The following PCCA variants were observed in gnomAD, a reference collection of about 807,000 sequenced individuals.
The protein encoded by PCCA is propionyl-CoA carboxylase subunit alpha.
A neutral mutation model predicts 101.3 loss-of-function variants in PCCA; 74 were observed. The observed-to-expected ratio is 0.73, with a 90% CI of 0.61 to 0.89. PCCA has a LOEUF of 0.89. PCCA is among the 40% of genes least tolerant of loss of function. PCCA has a pLI of 0.00. For synonymous variants in PCCA, 294 were observed against 313.6 expected, an observed-to-expected ratio of 0.94 and a Z score of 0.66; for missense variants, 891 against 907.0, an observed-to-expected ratio of 0.98 and a Z score of 0.23.
intron 4 of PCCA, among the ~76,000 whole-genome samples, chr13:100,146,801 A>G (rs1566575210): frequency 1.3e-5 from 2 of 151,036 alleles, no homozygotes; most frequent in Non-Finnish European, 2.9e-5. Flanking sequence ...TTAAATGTGT[A>G]GTTTGTGGTA....
intron 4 of PCCA, among the ~76,000 whole-genome samples, chr13:100,121,213 G>A (rs375219869): frequency 1.1e-4 from 15 of 136,302 alleles, no homozygotes; most frequent in East Asian, 4.2e-4. Context: ...CTGGAGTGTC[G>A]TGGCATGATC....
chr13:100,152,774 G>A (rs918736149), intron 4 of PCCA, among the ~76,000 whole-genome samples: 1 of 152,100 alleles, frequency 6.6e-6, no homozygotes, highest in Non-Finnish European at 1.5e-5. Context: ...TAAAACGTTT[G>A]TGATAACATA....
At chr13:100,281,227 T>C (rs1052964357) in intron 12 of PCCA, among the ~76,000 whole-genome samples, 1 of 152,204 alleles carries the variant, frequency 6.6e-6, no homozygotes, top group Non-Finnish European at 1.5e-5. Context: ...AAAAGAGTCA[T>C]GTGCTGAGGT....
At chr13:100,515,890 A>C (rs904194602) in intron 22 of PCCA, among the ~76,000 whole-genome samples, 1 of 152,226 alleles carries the variant, frequency 6.6e-6, no homozygotes, top group African/African-American at 2.4e-5. Context: ...TGCTGTGCTC[A>C]AAGCATCCAT....
At position 100,329,049 on chromosome 13, in the gene PCCA, G is replaced by A. The variant is rs186305374; in HGVS notation, c.1430-1512G>A. Among the ~76,000 whole-genome samples, 430 of 132,416 alleles carry A rather than the reference G, an allele frequency of 3.2e-3. 1 individual carries two copies. The highest frequency in any genetic ancestry group is 0.012 in the African/African-American group (411 of 35,442). 86.9% of individuals were successfully genotyped at this position (132,416 alleles called of 152,430 possible). On this transcript the variant is annotated intron_variant, in intron 16 of 23. Transcript: ENST00000376285. ...GCTGTTTGTTCTAGTACCATTTATT[G>A]AAACGACATTTATTAGGTTGGTGTA... is the stretch of plus-strand genomic sequence containing the variant.
In PCCA at chr13:100,304,565, G is replaced by T. The variant is rs934930774; in HGVS notation, c.1284+1567G>T. On this transcript the variant is annotated intron_variant, in intron 14 of 23. Coordinates refer to ENST00000376285, the MANE Select transcript of PCCA (RefSeq NM_000282.4). ...CATGGCGGGCTGGGAGTTGTGCTTA[G>T]GGGGAGAGGTGAATTGAGAATGAAG... is the stretch of plus-strand genomic sequence containing the variant. Among the ~76,000 whole-genome samples, 3 of 152,178 alleles carry T rather than the reference G, an allele frequency of 2.0e-5. No homozygotes were observed. In the South Asian group the frequency reaches 6.2e-4, roughly 32 times the overall value.
chr13:100,340,646 G>C (rs958917833), intron 18 of PCCA, among the ~76,000 whole-genome samples: 1 of 152,172 alleles, frequency 6.6e-6, no homozygotes, highest in East Asian at 1.9e-4. Context: ...TCAGAAACTA[G>C]TGAACACACA....
At chr13:100,098,612 G>C (rs911412183) in intron 1 of PCCA, among the ~76,000 whole-genome samples, 1 of 152,216 alleles carries the variant, frequency 6.6e-6, no homozygotes, top group African/African-American at 2.4e-5. Context: ...ACAGCAGTTA[G>C]AGAGGATCTG....
chr13:100,114,726 A>G (rs1393518662), intron 4 of PCCA, among the ~76,000 whole-genome samples: 1 of 152,256 alleles, frequency 6.6e-6, no homozygotes, highest in Non-Finnish European at 1.5e-5. Context: ...CAAAAGTACA[A>G]TGAGATAAAA....
intron 7 of PCCA, among the ~76,000 whole-genome samples, chr13:100,225,383 T>C (rs1241599984): frequency 6.6e-6 from 1 of 152,220 alleles, no homozygotes; most frequent in Non-Finnish European, 1.5e-5. Context: ...TAAGAGGAAA[T>C]AGTAATACCC....
intron 18 of PCCA, among the ~76,000 whole-genome samples, chr13:100,343,846 G>A (rs139156614): frequency 1.6e-4 from 25 of 152,274 alleles, no homozygotes; most frequent in African/African-American, 6.0e-4. Flanking sequence ...AGGCCAAGGC[G>A]GACTGATCAC....
At chr13:100,510,296 C>A (rs987535681) in intron 21 of PCCA, among the ~76,000 whole-genome samples, 1 of 152,192 alleles carries the variant, frequency 6.6e-6, no homozygotes, top group Non-Finnish European at 1.5e-5. Flanking sequence ...ACATTTCTAT[C>A]TCTGCATCAA....
chr13:100,254,397 C>T (rs1344000400), intron 8 of PCCA, among the ~76,000 whole-genome samples: 2 of 152,174 alleles, frequency 1.3e-5, no homozygotes, highest in Admixed American at 1.3e-4. Context: ...GAAGTAAGTG[C>T]TCCAGTGGAT....
intron 12 of PCCA, among the ~76,000 whole-genome samples, chr13:100,293,418 C>T (rs2065284558): frequency 6.6e-6 from 1 of 151,994 alleles, no homozygotes. Flanking sequence ...ATTATTGCAA[C>T]CTAAATTCTG....
At chr13:100,518,832 A>T (rs2087021996) in intron 22 of PCCA, among the ~76,000 whole-genome samples, 1 of 152,232 alleles carries the variant, frequency 6.6e-6, no homozygotes, top group Non-Finnish European at 1.5e-5. Context: ...AACTGGGAGC[A>T]CTTCTGTAAT....
At chr13:100,272,281 C>T (rs1386773069) in intron 11 of PCCA, among the ~76,000 whole-genome samples, 1 of 152,124 alleles carries the variant, frequency 6.6e-6, no homozygotes, top group Non-Finnish European at 1.5e-5. Context: ...ATAATTTCCC[C>T]TAGGGGAAAT....
intron 19 of PCCA, among the ~76,000 whole-genome samples, chr13:100,393,760 A>G (rs2076925273): frequency 6.6e-6 from 1 of 151,858 alleles, no homozygotes; most frequent in African/African-American, 2.4e-5. Context: ...GGTTTTGTTT[A>G]TAAGGAAAAA....
chr13:100,248,736 A>G (rs2061589540), intron 8 of PCCA, among the ~76,000 whole-genome samples: 1 of 152,048 alleles, frequency 6.6e-6, no homozygotes, highest in Non-Finnish European at 1.5e-5. Flanking sequence ...CTCCCAGTCT[A>G]GAACTTATGT....
At chr13:100,335,739 TGTTCCTCA>T (rs914037182) in intron 17 of PCCA, among the ~76,000 whole-genome samples, 3 of 152,184 alleles carry the variant, frequency 2.0e-5, no homozygotes, top group Non-Finnish European at 2.9e-5. Context: ...GCCCCAGCTT[TGTTCCTCA>T]GTTGGTTCCC....
Sources: allele counts gnomAD v4.1 joint callset (sites outside exome capture counted in the v4.1 genomes callset), GRCh38; gene constraint gnomAD v4.1.1; transcripts MANE v1.5; gene names NCBI Gene and HGNC (gene_info 2026-07-23, HGNC 2026-07-21).